Variants in OSBPL5 observed in about 807,000 individuals in gnomAD.
OSBPL5 encodes the protein oxysterol-binding protein-related protein 5.
OSBPL5 carries 71 observed loss-of-function variants against 111.2 expected under a neutral mutation model. That is an observed-to-expected ratio of 0.64 (90% CI 0.53 to 0.78). The LOEUF is 0.78. Among genes scored for constraint, OSBPL5 ranks in the 30% least tolerant of loss-of-function variants. OSBPL5 has a pLI of 0.00. For synonymous variants in OSBPL5, 549 were observed against 513.9 expected (o/e 1.07, Z -0.93); for missense variants, 1,210 against 1,189.3 (o/e 1.02, Z -0.26).
chr11:3,126,059 T>C lies in OSBPL5; in HGVS notation c.219+414A>G, dbSNP rs1302570028. Reference sequence around the variant, plus strand: ...AGGATGTGAGGAACTGGAGCCCTTGTGCACTGTGGGTGGCCATGTAAGATG... The same window carrying C: ...AGGATGTGAGGAACTGGAGCCCTTGCGCACTGTGGGTGGCCATGTAAGATG... On this transcript the variant is annotated intron_variant, in intron 3 of 21. Transcript: ENST00000263650. The surrounding 1 kb of genome is among the most constrained non-coding windows in gnomAD (Gnocchi z 6.5). 4.6e-5 allele frequency among the ~76,000 whole-genome samples: 7 copies of C among 152,308 alleles called. No individual in the cohort carries two copies. In the East Asian group the frequency reaches 1.4e-3, roughly 29 times the overall value.
intron 1 of OSBPL5, among the ~76,000 whole-genome samples, chr11:3,148,794 G>T (rs1419659413): frequency 6.6e-6 from 1 of 152,162 alleles, no homozygotes; most frequent in Non-Finnish European, 1.5e-5. Context: ...GGAGGCTAAG[G>T]GTTTTTAAGA....
At position 3,129,110 on chromosome 11, in the gene OSBPL5, C is replaced by G; in HGVS notation, c.39G>C (p.Leu13=). The part of the protein sequence containing the change: ...EEAFLRRRFS[L]CPPSSTPQKV... ...TCTGAGGGGTGGAGGAAGGTGGACA[C>G]AGGGAGAAGCGGCGCCGGAGGAAGG... The change falls in exon 2 of 22, where the codon CTG becomes CTC. Residue 13 remains leucine (L), a synonymous_variant. Coordinates refer to ENST00000263650, the MANE Select transcript of OSBPL5 (RefSeq NM_020896.4). The G allele has an allele frequency of 6.6e-7, 1 of 1,520,998 alleles. No homozygotes were observed. The highest frequency in any genetic ancestry group is 8.8e-7 in the Non-Finnish European group (1 of 1,134,170). The allele number at this position is 1,520,998 out of a possible 1,614,324, so 94.2% of individuals were successfully genotyped here.
rs377009308 is a variant in OSBPL5, at chr11:3,107,373, G to T, written c.949C>A (p.Gln317Lys). 6.2e-7 allele frequency: 1 copy of T among 1,614,062 alleles called. No homozygotes were observed. The highest frequency in any genetic ancestry group is 8.5e-7 in the Non-Finnish European group (1 of 1,180,002). Reference protein sequence around the residue: ...ENPEESDTETQDHSRKTESGS... With the variant: ...ENPEESDTETKDHSRKTESGS... Reference sequence around the variant, plus strand: ...CTCTCCGTCTTCCGGCTATGGTCCTGGGTCTCGGTATCTGACTCCTCAGGG... The same window carrying T: ...CTCTCCGTCTTCCGGCTATGGTCCTTGGTCTCGGTATCTGACTCCTCAGGG... The change falls in exon 9 of 22, where the codon CAG (glutamine) becomes AAG (lysine). Residue 317 changes from glutamine (Q) to lysine (K), a missense_variant. Physicochemically the swap from Gln to Lys is moderately conservative, Grantham distance 53. Coordinates refer to ENST00000263650, the MANE Select transcript of OSBPL5 (RefSeq NM_020896.4). This position sits in a 1 kb window ranked among gnomAD's most constrained non-coding sequence, Gnocchi z 6.1.
Position 3,094,324 on chromosome 11 carries a change from A to G in OSBPL5, c.1632T>C (p.Tyr544=). 6.2e-7 allele frequency: 1 copy of G among 1,613,358 alleles called. No homozygotes were observed. Among genetic ancestry groups the G allele is most frequent in the Non-Finnish European group, 8.5e-7 (1 of 1,179,912 alleles). Residue 544 remains tyrosine (Y), a synonymous_variant, in exon 15 of 22, where the codon TAT becomes TAC. Transcript: ENST00000263650. The part of the protein sequence containing the change: ...MPYAHCKGIL[Y]GTMTLELGGK... ...CACCCAGCTCCAGGGTCATCGTGCC[A>G]TACAGGATTCCTGAAATGCAGCCAG... is the stretch of plus-strand genomic sequence containing the variant.
intron 3 of OSBPL5, among the ~76,000 whole-genome samples, chr11:3,124,074 T>C (rs1198264855): frequency 6.6e-6 from 1 of 152,216 alleles, no homozygotes; most frequent in Non-Finnish European, 1.5e-5. Context: ...TTCTGCGTTC[T>C]GTGCATGGAT....
intron 2 of OSBPL5, among the ~76,000 whole-genome samples, chr11:3,128,542 C>T (rs945956119): frequency 5.9e-5 from 9 of 152,176 alleles, no homozygotes; most frequent in African/African-American, 2.2e-4. Context: ...CGAAGGCAGG[C>T]CTGGTTCCAG....
chr11:3,093,933 G>A, intron 15 of OSBPL5, 98 bp from the exon 16 acceptor site: 1 of 1,422,084 alleles, frequency 7.0e-7, no homozygotes, highest in African/African-American at 1.4e-5. Flanking sequence ...CTCTTGGGGT[G>A]CCTGGGAGCC....
At chr11:3,101,098 C>T (rs377335328) in intron 13 of OSBPL5, among the ~76,000 whole-genome samples, 1 of 151,726 alleles carries the variant, frequency 6.6e-6, no homozygotes, top group African/African-American at 2.4e-5. Context: ...CCTCAGCCTT[C>T]CCAGTAGCTG....
At chr11:3,143,318 A>G (rs531023223) in intron 1 of OSBPL5, among the ~76,000 whole-genome samples, 3 of 151,836 alleles carry the variant, frequency 2.0e-5, no homozygotes, top group African/African-American at 7.2e-5. Context: ...CCAGGGGCCC[A>G]TGGGGGGCTG....
At position 3,104,109 on chromosome 11, in the gene OSBPL5, G is replaced by C; in HGVS notation, c.1244+84C>G. On this transcript the variant is annotated intron_variant, in intron 10 of 21. Coordinates refer to ENST00000263650, the MANE Select transcript of OSBPL5 (RefSeq NM_020896.4). The surrounding 1 kb of genome is among the most constrained non-coding windows in gnomAD (Gnocchi z 5.0). ...ATGGGATTCTCTGGAAGCCCCCACAGGGCAGGTAGGGGCTGGGGGTGCTGC... is the reference window on the plus strand; with the variant it reads ...ATGGGATTCTCTGGAAGCCCCCACACGGCAGGTAGGGGCTGGGGGTGCTGC... The C allele has an allele frequency of 7.0e-7, 1 of 1,425,680 alleles. No individual in the cohort carries two copies. Among genetic ancestry groups the C allele is most frequent in the African/African-American group, 1.4e-5 (1 of 70,798 alleles). The allele number at this position is 1,425,680 out of a possible 1,614,324, so 88.3% of individuals were successfully genotyped here.
chr11:3,124,728 C>T (rs1429258921), intron 3 of OSBPL5, among the ~76,000 whole-genome samples: 1 of 152,148 alleles, frequency 6.6e-6, no homozygotes, highest in Non-Finnish European at 1.5e-5. Context: ...TCTGTGGCTT[C>T]CACCAGGGGA....
In OSBPL5 at chr11:3,091,315, G is replaced by A. The variant is rs538376050; in HGVS notation, c.2260-619C>T. On this transcript the variant is annotated intron_variant, in intron 19 of 21. Coordinates refer to ENST00000263650, the MANE Select transcript of OSBPL5 (RefSeq NM_020896.4). ...GTGGGACCACCATGTAACAACAGGC[G>A]TTTGGGGCCAGAGAGGTGCCAGGGA... Among the ~76,000 whole-genome samples the A allele has an allele frequency of 9.2e-5, 14 of 152,374 alleles. No individual in the cohort carries two copies. The South Asian group carries it at 1.9e-3, about 20-fold the overall frequency.
chr11:3,154,151 G>A lies in OSBPL5; in HGVS notation c.-22+11065C>T, dbSNP rs1270182939. On this transcript the variant is annotated intron_variant, in intron 1 of 21. Transcript: ENST00000263650. The surrounding 1 kb of genome is among the most constrained non-coding windows in gnomAD (Gnocchi z 4.9). The stretch of plus-strand genomic sequence containing the variant: ...GTGTGGTGTCCAGAGAGCTGCTGTA[G>A]GAGGTGTTTGCTAGACTGGGCCAGA... Among the ~76,000 whole-genome samples the A allele has an allele frequency of 1.3e-5, 2 of 152,264 alleles. No individual in the cohort carries two copies. Among genetic ancestry groups the A allele is most frequent in the East Asian group, 3.9e-4 (2 of 5,194 alleles).
At position 3,092,838 on chromosome 11, in the gene OSBPL5, G is replaced by A; in HGVS notation, c.2132+29C>T. ...CGTCTGCTAGGCCCAGCCCCACCCT[G>A]TGGCCCCCAGGGCTTTGTCGGCACT... On this transcript the variant is annotated intron_variant, in intron 18 of 21. Transcript: ENST00000263650. The surrounding 1 kb of genome is among the most constrained non-coding windows in gnomAD (Gnocchi z 5.4). 6.7e-7 allele frequency: 1 copy of A among 1,503,438 alleles called. No individual in the cohort carries two copies. Among genetic ancestry groups the A allele is most frequent in the Non-Finnish European group, 8.9e-7 (1 of 1,117,568 alleles). The allele number at this position is 1,503,438 out of a possible 1,614,324, so 93.1% of individuals were successfully genotyped here.
rs1246891400 is a variant in OSBPL5 at position 3,103,255 on chromosome 11, A to G, written c.1310T>C (p.Phe437Ser). 6.2e-7 allele frequency: 1 copy of G among 1,605,314 alleles called. No homozygotes were observed. The highest frequency in any genetic ancestry group is 8.5e-7 in the Non-Finnish European group (1 of 1,175,920). The part of the protein sequence containing the change: ...KLVLRWYLSG[F>S]YKKPKGIKKP... ...GGGGCTCACCTTGGGCTTCTTGTAG[A>G]AGCCAGACAGGTACCACCGCAGCAC... The change falls in exon 11 of 22, where the codon TTC becomes TCC. Residue 437 changes from phenylalanine to serine, a missense_variant. Physicochemically the swap from Phe to Ser is radical, Grantham distance 155. Transcript: ENST00000263650.
rs149277710 is a variant in OSBPL5 at position 3,151,493 on chromosome 11, C to T, written c.-22+13723G>A. Among the ~76,000 whole-genome samples, 1,230 of 152,290 alleles carry T rather than the reference C, an allele frequency of 8.1e-3. 11 individuals are homozygous for T. Among genetic ancestry groups the T allele is most frequent in the Middle Eastern group, 0.031 (9 of 294 alleles). ...AGACCCGGCATCAGCCTGACCTGGC[C>T]GCTTCCTGCCAGCACAGCTGTCTTC... is the stretch of plus-strand genomic sequence containing the variant. On this transcript the variant is annotated intron_variant, in intron 1 of 21. Coordinates refer to ENST00000263650, the MANE Select transcript of OSBPL5 (RefSeq NM_020896.4).
intron 1 of OSBPL5, among the ~76,000 whole-genome samples, chr11:3,145,774 G>A (rs774098880): frequency 7.9e-5 from 12 of 152,340 alleles, no homozygotes; most frequent in Admixed American, 5.2e-4. Context: ...GGGCCTGGCC[G>A]AACAAGACCG....
chr11:3,111,729 AG>A (rs1023309811), intron 7 of OSBPL5, among the ~76,000 whole-genome samples: 2 of 141,534 alleles, frequency 1.4e-5, no homozygotes, highest in African/African-American at 2.6e-5. Context: ...GGCCAGCAAA[AG>A]GAAAAAAAAA....
In OSBPL5 at chr11:3,092,634, G is replaced by T; in HGVS notation, c.2133-76C>A. 6.8e-7 allele frequency: 1 copy of T among 1,470,748 alleles called. No homozygotes were observed. 91.1% of individuals were successfully genotyped at this position (1,470,748 alleles called of 1,614,324 possible). On this transcript the variant is annotated intron_variant, in intron 18 of 21. Coordinates refer to ENST00000263650, the MANE Select transcript of OSBPL5 (RefSeq NM_020896.4). The surrounding 1 kb of genome is among the most constrained non-coding windows in gnomAD (Gnocchi z 5.4). ...GGGGGCTGTCCTGGCCCAGTCTTCA[G>T]CCCCCCAACAGTGGCCAGAGACCTC...
Sources: allele counts gnomAD v4.1 joint callset (sites outside exome capture counted in the v4.1 genomes callset), GRCh38; gene constraint gnomAD v4.1.1; non-coding constraint Gnocchi (gnomAD v3.1); transcripts MANE v1.5; gene names NCBI Gene and HGNC (gene_info 2026-07-23, HGNC 2026-07-21).